Variants in PACSIN2 observed in about 807,000 individuals in gnomAD.
PACSIN2 encodes the protein protein kinase C and casein kinase substrate in neurons protein 2.
Under a neutral mutation model 63.8 loss-of-function variants are expected in PACSIN2, and 25 were observed. The observed-to-expected ratio is 0.39, with a 90% CI of 0.29 to 0.55. PACSIN2 has a LOEUF of 0.55. PACSIN2 is among the 20% of genes least tolerant of loss of function. The pLI, the probability that PACSIN2 is intolerant of heterozygous loss-of-function variation, is 0.62. For missense variants in PACSIN2, 518 were observed against 646.9 expected (o/e 0.80, Z 2.16); for synonymous variants, 255 against 256.2 (o/e 1.00, Z 0.05).
chr22:42,932,088 T>G (rs1353447724), intron 1 of PACSIN2, among the ~76,000 whole-genome samples: 1 of 152,196 alleles, frequency 6.6e-6, no homozygotes, highest in Admixed American at 6.5e-5. Context: ...AATCCCGTCA[T>G]GACCCGGCCC....
chr22:42,935,360 G>A (rs1001208444), intron 1 of PACSIN2, among the ~76,000 whole-genome samples: 4 of 152,166 alleles, frequency 2.6e-5, no homozygotes, highest in African/African-American at 7.2e-5. Flanking sequence ...CCCATGGGGC[G>A]GGGTGGGGGG....
chr22:42,884,014 AAAAAG>A (rs1555908353), intron 6 of PACSIN2, among the ~76,000 whole-genome samples: 7 of 151,866 alleles, frequency 4.6e-5, no homozygotes, highest in East Asian at 3.8e-4. Context: ...TCAAAAAAAA[AAAAAG>A]AAAAGAAAAG....
chr22:43,008,545 G>C (rs746549925), intron 1 of PACSIN2, among the ~76,000 whole-genome samples: 3 of 152,202 alleles, frequency 2.0e-5, no homozygotes, highest in African/African-American at 7.2e-5. Flanking sequence ...CACCACGCCC[G>C]GCCTAAGTTC....
intron 1 of PACSIN2, among the ~76,000 whole-genome samples, chr22:43,012,307 CAAA>C (rs35192048): frequency 3.9e-5 from 2 of 51,800 alleles, no homozygotes; most frequent in Non-Finnish European, 7.2e-5. Context: ...GACTCTCTCT[CAAA>C]AAAAAAAAAA....
chr22:42,921,448 T>C (rs111691849), intron 1 of PACSIN2, among the ~76,000 whole-genome samples: 4 of 151,574 alleles, frequency 2.6e-5, no homozygotes, highest in African/African-American at 9.7e-5. Context: ...ACCTGGGGCA[T>C]TGCCCAGACT....
At chr22:42,909,667 G>A (rs534433810) in intron 2 of PACSIN2, 1 of 459,064 alleles carries the variant, frequency 2.2e-6, no homozygotes, top group African/African-American at 2.0e-5. Context: ...TATTGCAGTT[G>A]AGAATTTAAC....
At chr22:42,943,899 T>A (rs1428255574) in intron 1 of PACSIN2, among the ~76,000 whole-genome samples, 1 of 152,218 alleles carries the variant, frequency 6.6e-6, no homozygotes, top group African/African-American at 2.4e-5. Flanking sequence ...AAAGACACAA[T>A]TGATAAAAAT....
In PACSIN2 at chr22:42,940,393, C is replaced by T. The variant is rs577406143; in HGVS notation, c.-77-28236G>A. Reference sequence around the variant, plus strand: ...AAAGCAGGGGGTCAGCATGTGTTTGCTGAATGAGTAACACTGTTCCTGTCA... The same window carrying T: ...AAAGCAGGGGGTCAGCATGTGTTTGTTGAATGAGTAACACTGTTCCTGTCA... On this transcript the variant is annotated intron_variant, in intron 1 of 10. Coordinates refer to ENST00000263246, the MANE Select transcript of PACSIN2 (RefSeq NM_001184970.3). Among the ~76,000 whole-genome samples, 3 of 152,288 alleles carry T rather than the reference C, an allele frequency of 2.0e-5. No homozygotes were observed. The South Asian group carries it at 6.2e-4, about 32-fold the overall frequency.
intron 1 of PACSIN2, among the ~76,000 whole-genome samples, chr22:42,953,617 A>G (rs1032190594): frequency 2.0e-5 from 3 of 152,240 alleles, no homozygotes; most frequent in Non-Finnish European, 4.4e-5. Context: ...ATATATTTAA[A>G]TGCAGTGCTA....
intron 1 of PACSIN2, among the ~76,000 whole-genome samples, chr22:43,009,021 T>C (rs1286161551): frequency 6.6e-6 from 1 of 152,154 alleles, no homozygotes; most frequent in Non-Finnish European, 1.5e-5. Context: ...AAAAGGTGTT[T>C]AGTGATCCAA....
At chr22:42,997,319 G>A (rs1444245303) in intron 1 of PACSIN2, among the ~76,000 whole-genome samples, 1 of 152,252 alleles carries the variant, frequency 6.6e-6, no homozygotes, top group Non-Finnish European at 1.5e-5. Context: ...AGGACTTTGG[G>A]AGGCAGAGGC....
intron 5 of PACSIN2, among the ~76,000 whole-genome samples, chr22:42,886,993 C>A (rs774864113): frequency 2.6e-5 from 4 of 152,244 alleles, no homozygotes; most frequent in Admixed American, 6.5e-5. Context: ...CCCCGCCCAA[C>A]ATGGAGAAGC....
intron 2 of PACSIN2, among the ~76,000 whole-genome samples, chr22:42,909,023 C>T (rs920554052): frequency 2.0e-5 from 3 of 152,154 alleles, no homozygotes; most frequent in Non-Finnish European, 4.4e-5. Context: ...GGTACTCCTT[C>T]CGAATATGCA....
intron 2 of PACSIN2, among the ~76,000 whole-genome samples, chr22:42,907,595 G>A (rs1931165816): frequency 6.6e-6 from 1 of 152,268 alleles, no homozygotes; most frequent in Non-Finnish European, 1.5e-5. Context: ...GGAAAAGTCC[G>A]TTGGGGTCGG....
At chr22:43,010,398 A>ATAAATATATATTTTTTTTT in intron 1 of PACSIN2, among the ~76,000 whole-genome samples, 1 of 126,396 alleles carries the variant, frequency 7.9e-6, no homozygotes, top group African/African-American at 2.8e-5. Context: ...ATATATATAT[A>ATAAATATATATTTTTTTTT]TTTTTTTTTA....
chr22:42,879,276 T>A, intron 7 of PACSIN2, 107 bp from the exon 8 acceptor site: 1 of 1,233,202 alleles, frequency 8.1e-7, no homozygotes, highest in Non-Finnish European at 1.1e-6. Context: ...TCTGTGCATC[T>A]GATGTGTAGA....
intron 1 of PACSIN2, among the ~76,000 whole-genome samples, chr22:42,943,344 T>G (rs1000393807): frequency 1.3e-5 from 2 of 152,184 alleles, no homozygotes; most frequent in Non-Finnish European, 2.9e-5. Context: ...ACAGAGAGTG[T>G]TTTACCTTTT....
chr22:42,990,070 ATATATATGTGTGTG>A (rs1922943614), intron 1 of PACSIN2, among the ~76,000 whole-genome samples: 1 of 126,066 alleles, frequency 7.9e-6, no homozygotes, highest in African/African-American at 3.2e-5. Context: ...ATATGTGTGT[ATATATATGTGTGTG>A]TATATATGTA....
intron 1 of PACSIN2, among the ~76,000 whole-genome samples, chr22:42,953,158 A>C (rs1235485496): frequency 6.6e-6 from 1 of 152,192 alleles, no homozygotes; most frequent in African/African-American, 2.4e-5. Flanking sequence ...TTGAGAGGGC[A>C]TATGGAGTTA....
Sources: gnomAD v4.1 joint callset for allele counts (sites outside exome capture counted in the v4.1 genomes callset) on GRCh38, gnomAD v4.1.1 for gene constraint, MANE v1.5 for transcripts, NCBI Gene and HGNC (gene_info 2026-07-23, HGNC 2026-07-21) for gene names.